LARP4: variants seen among roughly 807,000 people sequenced by gnomAD.
LARP4 encodes the protein la-related protein 4.
A neutral mutation model predicts 92.9 loss-of-function variants in LARP4; 29 were observed. That is an observed-to-expected ratio of 0.31 (90% confidence interval 0.23 to 0.43). The LOEUF (loss-of-function observed/expected upper bound fraction) is 0.43, where lower values mean the gene tolerates loss of function less well. Among genes scored for constraint, LARP4 ranks in the 20% least tolerant of loss-of-function variants. The probability of loss-of-function intolerance (pLI) is 1.00; values close to 1 mark genes in which losing one functional copy is unlikely to be tolerated. For missense variants in LARP4, 732 were observed against 860.0 expected (o/e 0.85, Z 1.86); for synonymous variants, 279 against 284.1 (o/e 0.98, Z 0.18).
At position 50,430,566 on chromosome 12, in the gene LARP4, T is replaced by C; in HGVS notation, c.394T>C (p.Ser132Pro). Residue 132 changes from serine (S) to proline (P), a missense_variant, in exon 4 of 16, where the codon TCA (serine) becomes CCA (proline). By Grantham distance (74) the Ser-to-Pro change is moderately conservative (BLOSUM62 -1). This residue lies in a region of LARP4 where 236 missense variants were observed against 307.6 expected (regional missense o/e 0.77). Transcript: ENST00000398473. ...CLKKQLEFCF[S>P]RENLSKDLYL... ...GAAGAAACAATTAGAATTCTGTTTT[T>C]CACGGTATTGCTGTTTCCCCTTTAT... The C allele has an allele frequency of 6.3e-7, 1 of 1,592,270 alleles. No homozygotes were observed. The highest frequency in any genetic ancestry group is 8.6e-7 in the Non-Finnish European group (1 of 1,161,638).
At chr12:50,410,867 C>T (rs765422429) in intron 1 of LARP4, among the ~76,000 whole-genome samples, 7 of 152,230 alleles carry the variant, frequency 4.6e-5, no homozygotes, top group Admixed American at 6.5e-5. Flanking sequence ...ATGACAGATA[C>T]TGTCTGATTG....
chr12:50,453,242 G>C (rs1256875613), intron 8 of LARP4, among the ~76,000 whole-genome samples: 2 of 151,696 alleles, frequency 1.3e-5, no homozygotes, highest in Non-Finnish European at 1.5e-5. Flanking sequence ...TGTGTGGCGG[G>C]GGGGGTTTTA....
At chr12:50,459,993 G>A (rs553444671) in intron 10 of LARP4, among the ~76,000 whole-genome samples, 4 of 151,760 alleles carry the variant, frequency 2.6e-5, no homozygotes, top group South Asian at 2.1e-4. Context: ...AAAATTAGCC[G>A]GGTGTGGTGG....
At chr12:50,402,518 T>G (rs1474566299) in intron 1 of LARP4, among the ~76,000 whole-genome samples, 1 of 152,142 alleles carries the variant, frequency 6.6e-6, no homozygotes. Context: ...AGAAGAAAGA[T>G]TGTGAAGTTT....
intron 8 of LARP4, among the ~76,000 whole-genome samples, chr12:50,443,770 G>A (rs1023799316): frequency 2.0e-5 from 3 of 151,854 alleles, no homozygotes; most frequent in Non-Finnish European, 4.4e-5. Flanking sequence ...TAACAACCAC[G>A]CCCAGCTAAT....
At chr12:50,426,101 G>A (rs866419956) in intron 1 of LARP4, among the ~76,000 whole-genome samples, 75 of 152,264 alleles carry the variant, frequency 4.9e-4, no homozygotes, top group African/African-American at 1.8e-3. Flanking sequence ...GACAGGAAGT[G>A]TTGAATGTCA....
chr12:50,403,408 T>G (rs1944235232), intron 1 of LARP4, among the ~76,000 whole-genome samples: 1 of 152,236 alleles, frequency 6.6e-6, no homozygotes, highest in Non-Finnish European at 1.5e-5. Context: ...TATTACAGCT[T>G]TTGCAGTTAT....
At chr12:50,462,703 T>C (rs1955602480) in intron 12 of LARP4, 73 bp downstream of exon 12, 3 of 1,022,404 alleles carry the variant, frequency 2.9e-6, no homozygotes, top group East Asian at 2.4e-5. Context: ...TTTCGGTCTT[T>C]CCTTTCTGGG....
chr12:50,434,032 G>A (rs1950067306), intron 4 of LARP4, among the ~76,000 whole-genome samples: 2 of 152,204 alleles, frequency 1.3e-5, no homozygotes, highest in East Asian at 1.9e-4. Flanking sequence ...GAACAGCAGC[G>A]ATCCTTCATG....
At chr12:50,402,802 C>G in intron 1 of LARP4, 1 of 455,408 alleles carries the variant, frequency 2.2e-6, no homozygotes, top group Non-Finnish European at 4.4e-6. Context: ...TCAGGCCTGT[C>G]CGACTCCCCA....
chr12:50,465,371 C>CAA (rs368980753), intron 12 of LARP4, among the ~76,000 whole-genome samples: 1,857 of 111,962 alleles, frequency 0.017, 50 homozygotes, highest in South Asian at 0.032. Flanking sequence ...GACTCTGTCT[C>CAA]AAAAAAAAAA....
chr12:50,428,350 G>A (rs2137073996), intron 2 of LARP4, among the ~76,000 whole-genome samples: 1 of 152,164 alleles, frequency 6.6e-6, no homozygotes, highest in South Asian at 2.1e-4. Flanking sequence ...TTGATTATTT[G>A]ATTAAGTATA....
intron 1 of LARP4, among the ~76,000 whole-genome samples, chr12:50,408,163 G>C (rs1945180044): frequency 6.9e-6 from 1 of 144,132 alleles, no homozygotes; most frequent in Non-Finnish European, 1.5e-5. Context: ...TGTATGTACT[G>C]AGAGAAGAGA....
chr12:50,471,718 G>T (rs1174114484), intron 13 of LARP4, among the ~76,000 whole-genome samples: 1 of 152,048 alleles, frequency 6.6e-6, no homozygotes, highest in Non-Finnish European at 1.5e-5. Context: ...ACAGGGTTTC[G>T]TCTTGTTGGC....
intron 1 of LARP4, among the ~76,000 whole-genome samples, chr12:50,408,187 C>CCT (rs1945188159): frequency 1.4e-5 from 1 of 69,266 alleles, no homozygotes; most frequent in African/African-American, 6.2e-5. Context: ...GGATTTTCTG[C>CCT]TTTTTTTTTT....
chr12:50,454,441 A>G, intron 10 of LARP4, 24 bp downstream of exon 10: 1 of 1,538,084 alleles, frequency 6.5e-7, no homozygotes, highest in South Asian at 1.1e-5. Flanking sequence ...CATAGCTGTA[A>G]TGTATTTTAA....
chr12:50,442,594 A>G (rs1951390446), intron 8 of LARP4, among the ~76,000 whole-genome samples: 1 of 152,212 alleles, frequency 6.6e-6, no homozygotes, highest in South Asian at 2.1e-4. Context: ...TGCTATAGTT[A>G]TTCTTATTTG....
chr12:50,454,493 T>G, intron 10 of LARP4, 76 bp downstream of exon 10: 7 of 1,101,582 alleles, frequency 6.4e-6, no homozygotes, highest in Non-Finnish European at 9.4e-6. Flanking sequence ...GCAATGTTTG[T>G]TGTCAGGCTC....
intron 4 of LARP4, among the ~76,000 whole-genome samples, chr12:50,432,908 T>G (rs1344113576): frequency 6.6e-6 from 1 of 150,970 alleles, no homozygotes; most frequent in Admixed American, 6.6e-5. Flanking sequence ...TCGGGGAGAC[T>G]TGCGTTTGCC....
Sources: allele counts gnomAD v4.1 joint callset (sites outside exome capture counted in the v4.1 genomes callset), GRCh38; gene constraint gnomAD v4.1.1; regional missense constraint gnomAD v4.1.1; transcripts MANE v1.5; gene names NCBI Gene and HGNC (gene_info 2026-07-23, HGNC 2026-07-21).